SEMA3C: variants seen among roughly 807,000 people sequenced by gnomAD.
SEMA3C encodes semaphorin 3C.
SEMA3C carries 47 observed loss-of-function variants against 89.4 expected under a neutral mutation model. That is an observed-to-expected ratio of 0.53 (90% CI 0.42 to 0.67). The LOEUF is 0.67. SEMA3C is among the 30% of genes least tolerant of loss of function. SEMA3C has a pLI of 0.00. For missense variants in SEMA3C, 839 were observed against 929.1 expected (o/e 0.90, Z 1.26); for synonymous variants, 310 against 320.2 (o/e 0.97, Z 0.34).
chr7:80,818,164 G>A, intron 5 of SEMA3C, 135 bp downstream of exon 5: 1 of 827,744 alleles, frequency 1.2e-6, no homozygotes, highest in Non-Finnish European at 1.8e-6. Context: ...AGGAAAAAAT[G>A]TAATATAGTT....
At chr7:80,783,930 T>C (rs1235852262) in intron 12 of SEMA3C, among the ~76,000 whole-genome samples, 1 of 152,140 alleles carries the variant, frequency 6.6e-6, no homozygotes, top group Non-Finnish European at 1.5e-5. Context: ...AACACATGTA[T>C]TGACCCTACA....
At chr7:80,804,553 T>C (rs1269647328) in intron 7 of SEMA3C, among the ~76,000 whole-genome samples, 1 of 152,170 alleles carries the variant, frequency 6.6e-6, no homozygotes, top group East Asian at 1.9e-4. Context: ...AAAAAAAATA[T>C]TTATTTTTCA....
intron 2 of SEMA3C, among the ~76,000 whole-genome samples, chr7:80,894,967 T>A (rs1220814359): frequency 1.3e-5 from 2 of 152,182 alleles, no homozygotes; most frequent in Non-Finnish European, 2.9e-5. Context: ...GGGGCCAGAT[T>A]AGATGATTCT....
At chr7:80,885,591 T>G (rs535513625) in intron 2 of SEMA3C, among the ~76,000 whole-genome samples, 1 of 152,298 alleles carries the variant, frequency 6.6e-6, no homozygotes, top group Non-Finnish European at 1.5e-5. Context: ...CACTTCAGCG[T>G]GAGCAACACA....
intron 2 of SEMA3C, among the ~76,000 whole-genome samples, chr7:80,894,677 G>C (rs1292905105): frequency 6.6e-6 from 1 of 151,918 alleles, no homozygotes; most frequent in Admixed American, 6.6e-5. Context: ...ACTAATTTTT[G>C]CTTGTTTTAG....
intron 2 of SEMA3C, among the ~76,000 whole-genome samples, chr7:80,913,585 T>C (rs951610820): frequency 2.6e-5 from 4 of 152,234 alleles, no homozygotes; most frequent in Non-Finnish European, 5.9e-5. Context: ...AAACTTATAC[T>C]AAAAGCATTT....
At position 80,858,733 on chromosome 7, in the gene SEMA3C, C is replaced by T. The variant is rs528153822; in HGVS notation, c.104-29988G>A. 5.3e-5 allele frequency among the ~76,000 whole-genome samples: 8 copies of T among 152,242 alleles called. No individual in the cohort carries two copies. In the East Asian group the frequency reaches 1.5e-3, roughly 29 times the overall value. On this transcript the variant is annotated intron_variant, in intron 2 of 17. Transcript: ENST00000265361. ...ATATCAGGTTGAGTCATTCAAAATG[C>T]ATACATATTAGAGGCCATGCTTTTC...
chr7:80,851,781 A>G (rs371375774), intron 2 of SEMA3C, among the ~76,000 whole-genome samples: 1 of 152,100 alleles, frequency 6.6e-6, no homozygotes, highest in Non-Finnish European at 1.5e-5. Context: ...ATGTCAAGTG[A>G]TAAAGAAAAA....
chr7:80,811,026 C>A (rs999889421), intron 5 of SEMA3C, among the ~76,000 whole-genome samples: 1 of 152,114 alleles, frequency 6.6e-6, no homozygotes, highest in Non-Finnish European at 1.5e-5. Flanking sequence ...CGTTGAACAT[C>A]AGCCAAAAGA....
rs557829598 is a variant in SEMA3C at position 80,773,076 on chromosome 7, C to A, written c.1355-7833G>T. On this transcript the variant is annotated intron_variant, in intron 12 of 17. Transcript: ENST00000265361. ...ACAGTATAATTTTTTAAACCTATTT[C>A]ATTTCTTGGTAGTTGTCTGCATTTA... Among the ~76,000 whole-genome samples the A allele has an allele frequency of 4.6e-5, 7 of 152,188 alleles. No individual in the cohort carries two copies. In the South Asian group the frequency reaches 1.2e-3, roughly 27 times the overall value.
chr7:80,801,273 C>A (rs1021597497), intron 9 of SEMA3C, among the ~76,000 whole-genome samples: 1 of 151,968 alleles, frequency 6.6e-6, no homozygotes, highest in African/African-American at 2.4e-5. Flanking sequence ...ATCTCAATTT[C>A]TTTTTGATCT....
At chr7:80,836,444 G>A (rs1031084286) in intron 2 of SEMA3C, among the ~76,000 whole-genome samples, 1 of 152,188 alleles carries the variant, frequency 6.6e-6, no homozygotes, top group African/African-American at 2.4e-5. Flanking sequence ...TTGGGAGGCT[G>A]AGACAGGTGG....
chr7:80,894,732 AT>A (rs529477719), intron 2 of SEMA3C, among the ~76,000 whole-genome samples: 40 of 151,716 alleles, frequency 2.6e-4, no homozygotes, highest in Middle Eastern at 3.4e-3. Flanking sequence ...TTTCATAACT[AT>A]TTTTTTTAAT....
At chr7:80,896,246 T>C (rs1791735090) in intron 2 of SEMA3C, among the ~76,000 whole-genome samples, 1 of 152,216 alleles carries the variant, frequency 6.6e-6, no homozygotes, top group Admixed American at 6.5e-5. Flanking sequence ...GATTCCATTG[T>C]ATAGAAACTG....
chr7:80,903,587 A>T (rs1256551285), intron 2 of SEMA3C, among the ~76,000 whole-genome samples: 1 of 152,110 alleles, frequency 6.6e-6, no homozygotes, highest in Non-Finnish European at 1.5e-5. Context: ...ACTTGAACCC[A>T]GGAGGCAAAG....
upstream of SEMA3C, among the ~76,000 whole-genome samples, chr7:80,921,261 C>T (rs919911897): frequency 6.6e-6 from 1 of 152,106 alleles, no homozygotes; most frequent in Non-Finnish European, 1.5e-5. Context: ...TCAATGTGCT[C>T]CTGGGATTTA....
chr7:80,827,351 C>T, intron 4 of SEMA3C, 74 bp downstream of exon 4: 6 of 1,412,882 alleles, frequency 4.2e-6, no homozygotes, highest in Non-Finnish European at 5.6e-6. Flanking sequence ...TTTGGCTTCC[C>T]TCAAAGTACA....
intron 3 of SEMA3C, among the ~76,000 whole-genome samples, 159 bp downstream of exon 3, chr7:80,828,426 C>T (rs1442019348): frequency 1.3e-5 from 2 of 151,996 alleles, no homozygotes; most frequent in African/African-American, 4.8e-5. Flanking sequence ...AACTTAATAC[C>T]TTTTCAGTCC....
intron 2 of SEMA3C, among the ~76,000 whole-genome samples, chr7:80,900,112 T>C (rs1020760428): frequency 6.6e-6 from 1 of 151,928 alleles, no homozygotes; most frequent in African/African-American, 2.4e-5. Context: ...TTACATTTAG[T>C]ATGTTTTTTT....
Sources: allele counts gnomAD v4.1 joint callset (sites outside exome capture counted in the v4.1 genomes callset), GRCh38; gene constraint gnomAD v4.1.1; transcripts MANE v1.5; gene names NCBI Gene and HGNC (gene_info 2026-07-23, HGNC 2026-07-21).